The following MARCHF1 variants were observed in gnomAD, a reference collection of about 807,000 sequenced individuals.
MARCHF1 encodes E3 ubiquitin-protein ligase MARCHF1.
A neutral mutation model predicts 54.2 loss-of-function variants in MARCHF1; 40 were observed. That is an observed-to-expected ratio of 0.74 (90% confidence interval 0.57 to 0.96). The LOEUF (loss-of-function observed/expected upper bound fraction) is 0.96, where lower values mean the gene tolerates loss of function less well. Among genes scored for constraint, MARCHF1 ranks in the 40% least tolerant of loss-of-function variants. The pLI is 0.00. For synonymous variants in MARCHF1, 236 were observed against 236.3 expected, an observed-to-expected ratio of 1.00 and a Z score of 0.01; for missense variants, 586 against 656.5, an observed-to-expected ratio of 0.89 and a Z score of 1.17.
chr4:163,934,624 A>C (rs1355751218), intron 3 of MARCHF1, among the ~76,000 whole-genome samples: 1 of 149,998 alleles, frequency 6.7e-6, no homozygotes, highest in Non-Finnish European at 1.5e-5. Flanking sequence ...ACATCTGTTC[A>C]AGTGTGATCA....
At chr4:164,218,470 G>A (rs1022709457) in intron 1 of MARCHF1, among the ~76,000 whole-genome samples, 1 of 151,926 alleles carries the variant, frequency 6.6e-6, no homozygotes, top group Admixed American at 6.6e-5. Context: ...GCCAGAGAAA[G>A]GAATAGGAAG....
intron 1 of MARCHF1, among the ~76,000 whole-genome samples, chr4:164,240,879 G>T (rs1010811491): frequency 2.0e-5 from 3 of 152,088 alleles, no homozygotes; most frequent in Non-Finnish European, 4.4e-5. Flanking sequence ...CACAGGGTTA[G>T]AATTATGAGA....
At chr4:163,604,746 A>G (rs1168818889) in intron 7 of MARCHF1, among the ~76,000 whole-genome samples, 1 of 152,140 alleles carries the variant, frequency 6.6e-6, no homozygotes, top group East Asian at 1.9e-4. Flanking sequence ...CTACTAGGCT[A>G]CATTGAAATC....
chr4:164,274,867 G>C (rs578128474), intron 1 of MARCHF1, among the ~76,000 whole-genome samples: 8 of 150,282 alleles, frequency 5.3e-5, no homozygotes, highest in African/African-American at 1.9e-4. Flanking sequence ...TAGTAGAGAC[G>C]GGGTTTCACC....
chr4:163,752,375 T>C (rs1379095498), intron 4 of MARCHF1, among the ~76,000 whole-genome samples: 1 of 152,136 alleles, frequency 6.6e-6, no homozygotes, highest in Non-Finnish European at 1.5e-5. Flanking sequence ...ACAAAAGATA[T>C]CACAACGACA....
At chr4:163,560,165 G>A (rs890211717) in intron 8 of MARCHF1, among the ~76,000 whole-genome samples, 1 of 152,052 alleles carries the variant, frequency 6.6e-6, no homozygotes, top group Non-Finnish European at 1.5e-5. Context: ...AGTCATAAAG[G>A]TTTTCTCCTT....
intron 2 of MARCHF1, among the ~76,000 whole-genome samples, chr4:164,097,386 T>C (rs1172121121): frequency 6.6e-6 from 1 of 152,166 alleles, no homozygotes; most frequent in Non-Finnish European, 1.5e-5. Context: ...CACAATAGCA[T>C]TAGCGATATC....
At chr4:164,110,063 T>C (rs1755801784) in intron 2 of MARCHF1, among the ~76,000 whole-genome samples, 1 of 151,294 alleles carries the variant, frequency 6.6e-6, no homozygotes, top group African/African-American at 2.4e-5. Context: ...TAATGTAAAA[T>C]TTTTAAGTTT....
chr4:163,635,495 A>G (rs2111010653), intron 5 of MARCHF1, among the ~76,000 whole-genome samples: 1 of 147,552 alleles, frequency 6.8e-6, no homozygotes, highest in Non-Finnish European at 1.5e-5. Context: ...AAAATCTAGA[A>G]GAAATGGATA....
intron 1 of MARCHF1, among the ~76,000 whole-genome samples, chr4:164,342,539 A>T (rs112840223): frequency 0.016 from 1,969 of 121,302 alleles, 18 homozygotes; most frequent in African/African-American, 0.032. Context: ...ATAATAATAA[A>T]AAAATATTTA....
intron 2 of MARCHF1, among the ~76,000 whole-genome samples, chr4:164,018,065 T>C: frequency 6.6e-6 from 1 of 151,970 alleles, no homozygotes; most frequent in Non-Finnish European, 1.5e-5. Flanking sequence ...ATTATATATT[T>C]TTTAAACCAA....
intron 2 of MARCHF1, among the ~76,000 whole-genome samples, chr4:163,998,229 A>G (rs962308098): frequency 1.3e-5 from 2 of 151,454 alleles, no homozygotes; most frequent in Admixed American, 6.6e-5. Context: ...ACTATTCTCT[A>G]TCTATACTAG....
At chr4:164,310,644 T>C (rs1579710136) in intron 1 of MARCHF1, among the ~76,000 whole-genome samples, 2 of 148,710 alleles carry the variant, frequency 1.3e-5, no homozygotes, top group East Asian at 4.2e-4. Flanking sequence ...TAATATTTAT[T>C]ATTTCACAGT....
intron 5 of MARCHF1, among the ~76,000 whole-genome samples, chr4:163,649,635 A>G (rs1742893010): frequency 6.6e-6 from 1 of 152,026 alleles, no homozygotes. Flanking sequence ...ATGAATAACA[A>G]TAAAAGAACA....
intron 3 of MARCHF1, among the ~76,000 whole-genome samples, chr4:163,863,775 A>G (rs1477691318): frequency 5.3e-5 from 8 of 152,132 alleles, no homozygotes; most frequent in Admixed American, 2.6e-4. Flanking sequence ...TTCTGGGGCT[A>G]GGGTAGGAAA....
intron 2 of MARCHF1, among the ~76,000 whole-genome samples, chr4:164,038,371 T>G (rs1337175432): frequency 6.6e-6 from 1 of 152,132 alleles, no homozygotes; most frequent in Non-Finnish European, 1.5e-5. Flanking sequence ...GCGGCACCTG[T>G]AGTCCCAGCT....
At chr4:163,781,795 C>A (rs750774647) in intron 4 of MARCHF1, among the ~76,000 whole-genome samples, 5 of 152,122 alleles carry the variant, frequency 3.3e-5, no homozygotes, top group African/African-American at 4.8e-5. Flanking sequence ...TGTAAGAGGG[C>A]CTGAGGCAAA....
At chr4:164,007,522 A>C (rs1753320572) in intron 2 of MARCHF1, among the ~76,000 whole-genome samples, 1 of 151,994 alleles carries the variant, frequency 6.6e-6, no homozygotes, top group Non-Finnish European at 1.5e-5. Flanking sequence ...TATCAAAAAC[A>C]ATAATAGCTA....
chr4:164,065,033 G>C (rs765206362), intron 2 of MARCHF1, among the ~76,000 whole-genome samples: 8 of 152,142 alleles, frequency 5.3e-5, no homozygotes, highest in Non-Finnish European at 1.0e-4. Flanking sequence ...TTTTTGATGT[G>C]TTGCTGGATT....
Sources: allele counts gnomAD v4.1 joint callset (sites outside exome capture counted in the v4.1 genomes callset), GRCh38; gene constraint gnomAD v4.1.1; transcripts MANE v1.5; gene names NCBI Gene and HGNC (gene_info 2026-07-23, HGNC 2026-07-21).